The following GLIPR2 variants were observed in gnomAD, a reference collection of about 807,000 sequenced individuals.
The protein encoded by GLIPR2 is GLI pathogenesis related 2, also known as Golgi-associated plant pathogenesis-related protein 1.
A neutral mutation model predicts 20.4 loss-of-function variants in GLIPR2; 21 were observed. That is an observed-to-expected ratio of 1.03 (90% CI 0.73 to 1.48). GLIPR2 has a LOEUF of 1.48. GLIPR2 is among the 40% of genes most tolerant of loss of function. The pLI is 0.00. For synonymous variants in GLIPR2, 91 were observed against 80.5 expected (o/e 1.13, Z -0.70); for missense variants, 205 against 200.1 (o/e 1.02, Z -0.15).
intron 4 of GLIPR2, among the ~76,000 whole-genome samples, chr9:36,161,599 C>T (rs1289720133): frequency 2.6e-5 from 4 of 151,608 alleles, no homozygotes; most frequent in Non-Finnish European, 5.9e-5. Flanking sequence ...GGCAGTGAGA[C>T]AGGAGGAATG....
intron 4 of GLIPR2, among the ~76,000 whole-genome samples, chr9:36,152,925 G>A (rs1246759971): frequency 7.8e-6 from 1 of 127,662 alleles, no homozygotes; most frequent in East Asian, 2.5e-4. Context: ...TGGCCAACAT[G>A]GTGAAATCCT....
chr9:36,138,912 C>T (rs1824946491), intron 1 of GLIPR2, among the ~76,000 whole-genome samples: 1 of 152,022 alleles, frequency 6.6e-6, no homozygotes, highest in Non-Finnish European at 1.5e-5. Flanking sequence ...TCTTATGGAA[C>T]CTGGGGTGCC....
rs1826137197 is a variant in GLIPR2 at position 36,163,222 on chromosome 9, T to A, written c.*700T>A. 4.4e-6 allele frequency: 1 copy of A among 225,128 alleles called. No individual in the cohort carries two copies. 13.9% of individuals were successfully genotyped at this position (225,128 alleles called of 1,614,324 possible). Reference sequence around the variant, plus strand: ...CTACCACCACCACCTCTTGCCCCCTTCCCTCTTTTCTTAAACTTCTGGCAT... The same window carrying A: ...CTACCACCACCACCTCTTGCCCCCTACCCTCTTTTCTTAAACTTCTGGCAT... On this transcript the variant is annotated 3_prime_UTR_variant, in exon 5 of 5. Transcript: ENST00000377960.
intron 4 of GLIPR2, among the ~76,000 whole-genome samples, chr9:36,154,097 C>CA (rs1825722248): frequency 8.9e-6 from 1 of 112,188 alleles, no homozygotes; most frequent in Non-Finnish European, 2.0e-5. Context: ...ATATATATAT[C>CA]TTTTCCCCCC....
In GLIPR2 at chr9:36,160,387, G is replaced by A. The variant is rs182569136; in HGVS notation, c.305-1975G>A. 7.2e-5 allele frequency among the ~76,000 whole-genome samples: 11 copies of A among 152,258 alleles called. No individual in the cohort carries two copies. The East Asian group carries it at 1.4e-3, about 19-fold the overall frequency. On this transcript the variant is annotated intron_variant, in intron 4 of 4. Coordinates refer to ENST00000377960, the MANE Select transcript of GLIPR2 (RefSeq NM_022343.4). ...ATGTGCCTGTGGTCCCAGCTACTCA[G>A]GAAGCTGAGGTGGGAGGGTCTCCTG...
rs1033361754 is a variant in GLIPR2 at position 36,162,622 on chromosome 9, G to T, written c.*100G>T. The T allele has an allele frequency of 2.6e-6, 3 of 1,135,766 alleles. No individual in the cohort carries two copies. The Admixed American group carries it at 6.5e-5, about 25-fold the overall frequency. The allele number at this position is 1,135,766 out of a possible 1,614,324, so 70.4% of individuals were successfully genotyped here. On this transcript the variant is annotated 3_prime_UTR_variant, in exon 5 of 5. Transcript: ENST00000377960. Reference sequence around the variant, plus strand: ...TGTGCGTCTGTCCCTGTGGGTGTATGTGCTTGTGTGTGTGATGCATGTGAG... The same window carrying T: ...TGTGCGTCTGTCCCTGTGGGTGTATTTGCTTGTGTGTGTGATGCATGTGAG...
At chr9:36,141,676 C>T (rs1448968272) in intron 1 of GLIPR2, among the ~76,000 whole-genome samples, 1 of 152,098 alleles carries the variant, frequency 6.6e-6, no homozygotes, top group Non-Finnish European at 1.5e-5. Context: ...TCTTTTGAGT[C>T]AAGGTCTTGC....
intron 4 of GLIPR2, among the ~76,000 whole-genome samples, chr9:36,151,542 G>A (rs1825586826): frequency 1.3e-5 from 2 of 152,252 alleles, no homozygotes; most frequent in Middle Eastern, 3.4e-3. Flanking sequence ...CCTGGATCTA[G>A]TCTTAGCTCT....
At chr9:36,150,817 T>C in intron 3 of GLIPR2, 55 bp from the exon 4 acceptor site, 4 of 1,298,690 alleles carry the variant, frequency 3.1e-6, no homozygotes, top group Non-Finnish European at 3.3e-6. Context: ...ATGCAGGGAA[T>C]AGGGAGTGGG....
chr9:36,147,578 A>T (rs1825384566), intron 1 of GLIPR2, among the ~76,000 whole-genome samples: 1 of 152,232 alleles, frequency 6.6e-6, no homozygotes, highest in South Asian at 2.1e-4. Context: ...CGGGCTTTAG[A>T]TGTGCAGAGA....
At chr9:36,159,959 G>A (rs571169913) in intron 4 of GLIPR2, among the ~76,000 whole-genome samples, 37 of 152,218 alleles carry the variant, frequency 2.4e-4, no homozygotes, top group Non-Finnish European at 4.4e-4. Flanking sequence ...GTGAGACTCC[G>A]TCTCAAAAAT....
At chr9:36,137,928 G>C (rs983829931) in intron 1 of GLIPR2, among the ~76,000 whole-genome samples, 10 of 152,354 alleles carry the variant, frequency 6.6e-5, no homozygotes, top group South Asian at 2.1e-4. Context: ...GGCTGTAGAG[G>C]CAGGTCTGGC....
intron 1 of GLIPR2, among the ~76,000 whole-genome samples, chr9:36,146,933 G>A (rs573794526): frequency 6.6e-6 from 1 of 152,226 alleles, no homozygotes; most frequent in South Asian, 2.1e-4. Context: ...CACTTCTACA[G>A]CTCCATTAGG....
intron 1 of GLIPR2, among the ~76,000 whole-genome samples, chr9:36,139,214 G>A (rs569347015): frequency 6.6e-6 from 1 of 152,188 alleles, no homozygotes; most frequent in South Asian, 2.1e-4. Context: ...GGGTTGGGCA[G>A]GTTTCAGAGG....
At chr9:36,154,322 G>A (rs1216268186) in intron 4 of GLIPR2, among the ~76,000 whole-genome samples, 1 of 152,032 alleles carries the variant, frequency 6.6e-6, no homozygotes, top group East Asian at 1.9e-4. Flanking sequence ...AAGAGACAAC[G>A]AGAGATACCA....
chr9:36,142,230 T>C (rs1481243976), intron 1 of GLIPR2, among the ~76,000 whole-genome samples: 1 of 152,186 alleles, frequency 6.6e-6, no homozygotes, highest in Admixed American at 6.5e-5. Context: ...ACTGCTTTCC[T>C]CAGCTGTCCT....
intron 1 of GLIPR2, among the ~76,000 whole-genome samples, chr9:36,142,899 C>T (rs1825150384): frequency 6.6e-6 from 1 of 151,890 alleles, no homozygotes; most frequent in South Asian, 2.1e-4. Context: ...TTGTGGGGCC[C>T]TTATGCCTCC....
intron 1 of GLIPR2, among the ~76,000 whole-genome samples, chr9:36,140,543 G>C (rs780356451): frequency 2.0e-5 from 3 of 152,154 alleles, no homozygotes; most frequent in Non-Finnish European, 4.4e-5. Flanking sequence ...AGGCAGGCAG[G>C]GCTGGAAAAT....
chr9:36,162,354 C>A lies in GLIPR2; in HGVS notation c.305-8C>A. Reference sequence around the variant, plus strand: ...CGTGTCCCTCTCCCTCTGCCCGTTCCCCTACAGGACACTTCACGGCCATGG... The same window carrying A: ...CGTGTCCCTCTCCCTCTGCCCGTTCACCTACAGGACACTTCACGGCCATGG... On this transcript the variant is annotated splice_region_variant and splice_polypyrimidine_tract_variant and intron_variant, in intron 4 of 4. Coordinates refer to ENST00000377960, the MANE Select transcript of GLIPR2 (RefSeq NM_022343.4). The A allele has an allele frequency of 6.2e-7, 1 of 1,606,628 alleles. No homozygotes were observed. The highest frequency in any genetic ancestry group is 8.5e-7 in the Non-Finnish European group (1 of 1,175,630).
Sources: gnomAD v4.1 joint callset for allele counts (sites outside exome capture counted in the v4.1 genomes callset) on GRCh38, gnomAD v4.1.1 for gene constraint, MANE v1.5 for transcripts, NCBI Gene and HGNC (gene_info 2026-07-23, HGNC 2026-07-21) for gene names.